EXOC7: variants seen among roughly 807,000 people sequenced by gnomAD.
EXOC7 encodes the protein exocyst complex component 7.
A neutral mutation model predicts 87.6 loss-of-function variants in EXOC7; 51 were observed. The ratio of observed to expected loss-of-function variants is 0.58; its 90% CI spans 0.46 to 0.73. EXOC7 has a LOEUF of 0.73. Ranked by LOEUF, EXOC7 falls within the 30% of genes least tolerant of loss-of-function variation. The pLI, the probability that EXOC7 is intolerant of heterozygous loss-of-function variation, is 0.00. For missense variants in EXOC7, 744 were observed against 888.4 expected, an observed-to-expected ratio of 0.84 and a Z score of 2.07; for synonymous variants, 327 against 357.1, an observed-to-expected ratio of 0.92 and a Z score of 0.95.
At chr17:76,103,094 CAGA>C (rs1327124610) in intron 2 of EXOC7, 7 of 509,112 alleles carry the variant, frequency 1.4e-5, no homozygotes, top group South Asian at 2.1e-5. Flanking sequence ...TGAGTGTTTG[CAGA>C]AGGAGAGAAG....
At chr17:76,087,432 G>T in intron 12 of EXOC7, 1 of 577,778 alleles carries the variant, frequency 1.7e-6, no homozygotes, top group Non-Finnish European at 3.1e-6. Flanking sequence ...GGGCGAGGAC[G>T]GTCAAAGGGG....
chr17:76,094,266 T>C, intron 6 of EXOC7, 148 bp downstream of exon 6: 1 of 807,242 alleles, frequency 1.2e-6, no homozygotes, highest in South Asian at 2.1e-5. Context: ...GGTAGACACT[T>C]GCTTTCTGTC....
In EXOC7 at chr17:76,083,687, C is replaced by T; in HGVS notation, c.2016G>A (p.Val672=). 6.2e-7 allele frequency: 1 copy of T among 1,613,846 alleles called. No homozygotes were observed. Among genetic ancestry groups the T allele is most frequent in the South Asian group, 1.1e-5 (1 of 91,068 alleles). ...CGAAAAGGCGATCGATCATGTCGCC[C>T]ACCTGCTCCACCCCGTACTTGATGT... ...EKYIKYGVEQ[V]GDMIDRLFDT... is the part of the protein sequence containing the mutation. Residue 672 remains valine, a synonymous_variant, in exon 19 of 19, where the codon GTG becomes GTA. Transcript: ENST00000589210.
rs1473689225 is a variant in EXOC7 at position 76,083,645 on chromosome 17, G to A, written c.*3C>T. ...GTGGAACCAGGCAGGGCTAGCAGCA[G>A]GCTCAGGCAGAGGTGTCGAAAAGGC... is the stretch of plus-strand genomic sequence containing the variant. On this transcript the variant is annotated 3_prime_UTR_variant, in exon 19 of 19. Coordinates refer to ENST00000589210, the MANE Select transcript of EXOC7 (RefSeq NM_001013839.4). 1 of 1,613,538 alleles carries A rather than the reference G, an allele frequency of 6.2e-7. No individual in the cohort carries two copies. Among genetic ancestry groups the A allele is most frequent in the Non-Finnish European group, 8.5e-7 (1 of 1,179,794 alleles).
rs980863655 is a variant in EXOC7 at position 76,094,147 on chromosome 17, C to T, written c.808+267G>A. 29 of 352,240 alleles carry T rather than the reference C, an allele frequency of 8.2e-5. No homozygotes were observed. In the East Asian group the frequency reaches 8.4e-4, roughly 10 times the overall value. The allele number at this position is 352,240 out of a possible 1,614,324, so 21.8% of individuals were successfully genotyped here. A position where few individuals can be genotyped will look rare whatever the true frequency, so the allele number is the denominator to read the frequency against. On this transcript the variant is annotated intron_variant, in intron 6 of 18. Transcript: ENST00000589210. ...GCCTAGGCAGGGGCTCTGCCTCAGGCGGGATTCGCTGAGCACCTGTGTTAC... is the reference window on the plus strand; with the variant it reads ...GCCTAGGCAGGGGCTCTGCCTCAGGTGGGATTCGCTGAGCACCTGTGTTAC...
intron 5 of EXOC7, among the ~76,000 whole-genome samples, chr17:76,097,407 T>A: frequency 6.6e-6 from 1 of 151,960 alleles, no homozygotes; most frequent in Non-Finnish European, 1.5e-5. Flanking sequence ...GACAGGTGGA[T>A]TAAAGAATAA....
At chr17:76,090,644 G>A (rs1230721182) in intron 7 of EXOC7, 1 of 660,464 alleles carries the variant, frequency 1.5e-6, no homozygotes, top group Non-Finnish European at 2.5e-6. Flanking sequence ...CCCGAGCCTG[G>A]AGGCCCAGGG....
chr17:76,086,055 C>G, intron 13 of EXOC7, 25 bp downstream of exon 13: 5 of 1,612,078 alleles, frequency 3.1e-6, no homozygotes, highest in Non-Finnish European at 4.2e-6. Context: ...AGCAGGGCTG[C>G]TGGTCTGCCC....
rs1358028327 is a variant in EXOC7, at chr17:76,088,814, C to T, written c.1157G>A (p.Arg386Gln). The T allele has an allele frequency of 1.9e-6, 3 of 1,613,774 alleles. No homozygotes were observed. Among genetic ancestry groups the T allele is most frequent in the Non-Finnish European group, 2.5e-6 (3 of 1,180,046 alleles). Residue 386 changes from arginine to glutamine, a missense_variant, in exon 9 of 19, where the codon CGA (arginine) becomes CAA (glutamine). Arg to Gln is a conservative substitution (Grantham distance 43, BLOSUM62 1). Around this residue, in one of 3 missense-constraint regions of EXOC7, gnomAD observed 512 missense variants for 573.0 expected, o/e 0.89. Transcript: ENST00000589210. ...STVLTVFPIL[R>Q]HLKQTKPEFD... ...CTCAGGCTTGGTCTGCTTGAGGTGT[C>T]GCAGGATGGGGAAGACGGTGAGCAC...
At chr17:76,086,288 AGGGTGGCCCCT>A in intron 12 of EXOC7, 143 bp from the exon 13 acceptor site, 1 of 823,714 alleles carries the variant, frequency 1.2e-6, no homozygotes, top group Non-Finnish European at 2.0e-6. Flanking sequence ...GCTAAGCCAC[AGGGTGGCCCCT>A]GCCGCAGGAA....
At chr17:76,090,250 CCAGGCAGGAG>C in intron 7 of EXOC7, 1 of 1,493,130 alleles carries the variant, frequency 6.7e-7, no homozygotes, top group African/African-American at 1.4e-5. Context: ...CCCAGCTGGG[CCAGGCAGGAG>C]CAGGCCATCC....
chr17:76,087,651 T>C lies in EXOC7; in HGVS notation c.1429+3A>G. On this transcript the variant is annotated splice_donor_region_variant and intron_variant, in intron 12 of 18. Transcript: ENST00000589210. ...AGGGGGCCCAACTGGGAGGTACCAG[T>C]ACCTTGGGAGGCCAGCATGGCGCCT... is the stretch of plus-strand genomic sequence containing the variant. 1 of 1,551,002 alleles carries C rather than the reference T, an allele frequency of 6.4e-7. No individual in the cohort carries two copies. Among genetic ancestry groups the C allele is most frequent in the Non-Finnish European group, 8.7e-7 (1 of 1,146,924 alleles).
At chr17:76,094,334 C>T (rs1395190664) in intron 6 of EXOC7, 80 bp downstream of exon 6, 24 of 1,469,852 alleles carry the variant, frequency 1.6e-5, no homozygotes, top group Middle Eastern at 2.5e-4. Context: ...CCTGACGCTG[C>T]GAACGCTAGA....
Position 76,089,962 on chromosome 17 carries a change from G to A in EXOC7, c.902-642C>T, listed in dbSNP as rs538861259. On this transcript the variant is annotated intron_variant, in intron 7 of 18. Coordinates refer to ENST00000589210, the MANE Select transcript of EXOC7 (RefSeq NM_001013839.4). ...GGCGGGGGCGCCTGCAGGCAAAACCGGCGGCAGAACTGCCTGGTCCTATGT... is the reference window on the plus strand; with the variant it reads ...GGCGGGGGCGCCTGCAGGCAAAACCAGCGGCAGAACTGCCTGGTCCTATGT... Among the ~76,000 whole-genome samples the A allele has an allele frequency of 3.9e-5, 6 of 152,198 alleles. No homozygotes were observed. In the East Asian group the frequency reaches 5.8e-4, roughly 15 times the overall value.
chr17:76,093,976 T>G (rs990938239), intron 6 of EXOC7: 2 of 154,208 alleles, frequency 1.3e-5, no homozygotes, highest in African/African-American at 2.4e-5. Flanking sequence ...ATTCTCCCCA[T>G]CCAGCTCTCA....
chr17:76,081,415 G>T lies in EXOC7; in HGVS notation c.*2233C>A. 1 of 1,613,934 alleles carries T rather than the reference G, an allele frequency of 6.2e-7. No individual in the cohort carries two copies. The highest frequency in any genetic ancestry group is 8.5e-7 in the Non-Finnish European group (1 of 1,179,960). On this transcript the variant is annotated 3_prime_UTR_variant, in exon 19 of 19. Coordinates refer to ENST00000589210, the MANE Select transcript of EXOC7 (RefSeq NM_001013839.4). ...CTTCCAGGTGACGGTGAGTCAAGTCGGGAGGAGGCCGACAGAGGGCTGCTG... is the reference window on the plus strand; with the variant it reads ...CTTCCAGGTGACGGTGAGTCAAGTCTGGAGGAGGCCGACAGAGGGCTGCTG...
chr17:76,082,029 C>A lies in EXOC7; in HGVS notation c.*1619G>T. The A allele has an allele frequency of 6.2e-7, 1 of 1,610,192 alleles. No homozygotes were observed. The highest frequency in any genetic ancestry group is 8.5e-7 in the Non-Finnish European group (1 of 1,178,870). On this transcript the variant is annotated 3_prime_UTR_variant, in exon 19 of 19. Transcript: ENST00000589210. ...GGGGAACAGCGAGAGCACGGCAACC[C>A]AGGGCCTCATCCTGCTGAAGGTGGG...
chr17:76,094,809 G>C (rs906715754), intron 5 of EXOC7, among the ~76,000 whole-genome samples: 3 of 151,176 alleles, frequency 2.0e-5, no homozygotes, highest in African/African-American at 7.3e-5. Flanking sequence ...GCAGTGGCAC[G>C]ATGTCAGCTC....
intron 6 of EXOC7, chr17:76,091,455 T>C (rs2067476549): frequency 1.8e-6 from 1 of 551,574 alleles, no homozygotes; most frequent in African/African-American, 1.9e-5. Flanking sequence ...ACCCTCCTTG[T>C]TCTGGATTTC....
Sources: allele counts gnomAD v4.1 joint callset (sites outside exome capture counted in the v4.1 genomes callset), GRCh38; gene constraint gnomAD v4.1.1; regional missense constraint gnomAD v4.1.1; transcripts MANE v1.5; gene names NCBI Gene and HGNC (gene_info 2026-07-23, HGNC 2026-07-21).